Variants in SRFBP1 observed in about 807,000 individuals in gnomAD.
The protein encoded by SRFBP1 is serum response factor binding protein 1, also known as serum response factor-binding protein 1.
Under a neutral mutation model 45.5 loss-of-function variants are expected in SRFBP1, and 47 were observed. The ratio of observed to expected loss-of-function variants is 1.03; its 90% CI spans 0.82 to 1.32. The LOEUF is 1.32. Among genes scored for constraint, SRFBP1 ranks in the 40% most tolerant of loss-of-function variants. The probability of loss-of-function intolerance (pLI) is 0.00; values close to 1 mark genes in which losing one functional copy is unlikely to be tolerated. For missense variants in SRFBP1, 621 were observed against 484.6 expected, an observed-to-expected ratio of 1.28 and a Z score of -2.64; for synonymous variants, 203 against 166.3, an observed-to-expected ratio of 1.22 and a Z score of -1.70.
intron 1 of SRFBP1, among the ~76,000 whole-genome samples, chr5:121,962,697 T>C (rs151052008): frequency 6.6e-6 from 1 of 152,356 alleles, no homozygotes; most frequent in Non-Finnish European, 1.5e-5. Context: ...ACTTCCATAG[T>C]GTGCGGTGTC....
intron 2 of SRFBP1, chr5:122,070,808 T>C: frequency 2.8e-6 from 1 of 352,084 alleles, no homozygotes; most frequent in Non-Finnish European, 5.1e-6. Context: ...GTAGTACACC[T>C]CACTTCTTAA....
chr5:122,000,602 C>T (rs1170203420), intron 4 of SRFBP1, among the ~76,000 whole-genome samples: 1 of 152,032 alleles, frequency 6.6e-6, no homozygotes, highest in African/African-American at 2.4e-5. Context: ...ACTTTGTCAT[C>T]TAGCTTCTTT....
chr5:122,070,750 A>G (rs1247578228), intron 2 of SRFBP1: 1 of 485,282 alleles, frequency 2.1e-6, no homozygotes, highest in Non-Finnish European at 3.6e-6. Context: ...TTTATTACTC[A>G]GCCTTATAGC....
chr5:121,992,413 T>G (rs1266211111), intron 3 of SRFBP1, among the ~76,000 whole-genome samples: 1 of 152,060 alleles, frequency 6.6e-6, no homozygotes, highest in African/African-American at 2.4e-5. Flanking sequence ...GTTTTGTTTT[T>G]TTTCTCTGCA....
chr5:121,988,107 G>A (rs931533363), intron 3 of SRFBP1, among the ~76,000 whole-genome samples: 2 of 152,126 alleles, frequency 1.3e-5, no homozygotes, highest in Admixed American at 6.6e-5. Context: ...TGGCTATTAG[G>A]GGATGACGTC....
At chr5:122,003,346 GAA>G (rs11300712) in intron 4 of SRFBP1, among the ~76,000 whole-genome samples, 43 of 106,116 alleles carry the variant, frequency 4.1e-4, no homozygotes, top group African/African-American at 1.1e-3. Context: ...CTGTCTCAGA[GAA>G]AAAAAAAAAA....
At chr5:122,024,698 A>G (rs946750533) in intron 7 of SRFBP1, among the ~76,000 whole-genome samples, 1 of 152,222 alleles carries the variant, frequency 6.6e-6, no homozygotes, top group African/African-American at 2.4e-5. Context: ...ATTTGGCAGA[A>G]ACATGTCAGT....
chr5:122,077,422 A>G (rs1051884002), downstream of SRFBP1: 13 of 1,613,900 alleles, frequency 8.1e-6, no homozygotes, highest in African/African-American at 1.7e-4. This position sits in a 1 kb window ranked among gnomAD's most constrained non-coding sequence, Gnocchi z 4.9. Flanking sequence ...TTTCATAAGT[A>G]TCGTAGTAGT....
rs572063217 is a variant in SRFBP1, at chr5:121,977,290, A to G, written c.198+1903A>G. Among the ~76,000 whole-genome samples, 151 of 152,120 alleles carry G rather than the reference A, an allele frequency of 9.9e-4. 4 individuals carry two copies. Among genetic ancestry groups the G allele is most frequent in the Non-Finnish European group, 2.4e-4 (16 of 67,944 alleles). On this transcript the variant is annotated intron_variant, in intron 3 of 7. Transcript: ENST00000339397. Reference sequence around the variant, plus strand: ...TCCTTAAATTCATAAAATTCATAGTATATATATGTCTTGAGTTTGTGGCAG... The same window carrying G: ...TCCTTAAATTCATAAAATTCATAGTGTATATATGTCTTGAGTTTGTGGCAG...
chr5:122,058,662 A>G (rs537328870), intron 2 of SRFBP1, among the ~76,000 whole-genome samples: 57 of 152,118 alleles, frequency 3.7e-4, no homozygotes, highest in Middle Eastern at 3.4e-3. Context: ...AAGCTAACAC[A>G]CTTCCCCTTA....
At chr5:122,026,063 C>T (rs1292333829) in intron 7 of SRFBP1, among the ~76,000 whole-genome samples, 5 of 152,154 alleles carry the variant, frequency 3.3e-5, no homozygotes, top group Admixed American at 3.3e-4. Context: ...GCTCTCCATC[C>T]TGGGCAACAG....
chr5:121,976,759 T>C (rs1051427060), intron 3 of SRFBP1, among the ~76,000 whole-genome samples: 2 of 150,590 alleles, frequency 1.3e-5, no homozygotes, highest in African/African-American at 4.9e-5. Flanking sequence ...ATATAATATA[T>C]ATATGTGCAT....
In SRFBP1 at chr5:122,075,370, A is replaced by T. The variant is rs188886969; in HGVS notation, n.367A>T. 2.0e-4 allele frequency: 307 copies of T among 1,545,890 alleles called. No individual in the cohort carries two copies. The African/African-American group carries it at 4.0e-3, about 20-fold the overall frequency. On this transcript the variant is annotated non_coding_transcript_exon_variant, in exon 3 of 3. Transcript: ENST00000504881. ...AAAAATCACCTGAGAAATGAAAAGC[A>T]ACCCAAAAGTACCCAGGAGGCCCAT... is the stretch of plus-strand genomic sequence containing the variant.
intron 7 of SRFBP1, among the ~76,000 whole-genome samples, chr5:122,025,687 T>G (rs1753466058): frequency 6.6e-6 from 1 of 152,216 alleles, no homozygotes; most frequent in African/African-American, 2.4e-5. Context: ...GCACATGTGA[T>G]TTGTGTAAGA....
At chr5:122,032,406 G>A (rs557003905), downstream of SRFBP1, among the ~76,000 whole-genome samples, 1 of 140,654 alleles carries the variant, frequency 7.1e-6, no homozygotes, top group African/African-American at 2.7e-5. Context: ...CCCGCCCCCT[G>A]TAAACAATAA....
At chr5:122,000,582 G>A (rs899818187) in intron 4 of SRFBP1, among the ~76,000 whole-genome samples, 3 of 151,952 alleles carry the variant, frequency 2.0e-5, no homozygotes, top group Admixed American at 6.6e-5. Context: ...GATAGCTCTT[G>A]TCTTTCTGCA....
intron 2 of SRFBP1, among the ~76,000 whole-genome samples, chr5:122,059,633 A>G (rs1754140718): frequency 6.6e-6 from 1 of 152,128 alleles, no homozygotes; most frequent in Admixed American, 6.6e-5. Context: ...CAAGCTTCCC[A>G]TGTTACTGTC....
At chr5:122,016,965 T>C (rs1753204254) in intron 4 of SRFBP1, among the ~76,000 whole-genome samples, 2 of 152,158 alleles carry the variant, frequency 1.3e-5, no homozygotes, top group African/African-American at 4.8e-5. Flanking sequence ...GCGCGGTGGC[T>C]CACACCTGTA....
At position 121,997,359 on chromosome 5, in the gene SRFBP1, C is replaced by T. The variant is rs139687155; in HGVS notation, c.270+2689C>T. ...AGAACAGAGCCCTCAGAAATAACGC[C>T]GCATACCTATAACTGTCTGATCTTT... On this transcript the variant is annotated intron_variant, in intron 4 of 7. Coordinates refer to ENST00000339397, the MANE Select transcript of SRFBP1 (RefSeq NM_152546.3). Among the ~76,000 whole-genome samples, 49 of 150,498 alleles carry T rather than the reference C, an allele frequency of 3.3e-4. 1 individual carries two copies. The highest frequency in any genetic ancestry group is 1.0e-3 in the African/African-American group (41 of 40,556).
Sources: gnomAD v4.1 joint callset for allele counts (sites outside exome capture counted in the v4.1 genomes callset) on GRCh38, gnomAD v4.1.1 for gene constraint, Gnocchi (gnomAD v3.1) non-coding constraint, MANE v1.5 for transcripts, NCBI Gene and HGNC (gene_info 2026-07-23, HGNC 2026-07-21) for gene names.